TRIM49: variants seen among roughly 807,000 people sequenced by gnomAD.
TRIM49 encodes the protein tripartite motif-containing protein 49.
TRIM49 carries 5 observed loss-of-function variants against 27.4 expected under a neutral mutation model. The observed-to-expected ratio is 0.18, with a 90% CI of 0.10 to 0.38. The LOEUF (loss-of-function observed/expected upper bound fraction) is 0.38, where lower values mean the gene tolerates loss of function less well. Among genes scored for constraint, TRIM49 ranks in the 10% least tolerant of loss-of-function variants. The pLI is 1.00. For missense variants in TRIM49, 188 were observed against 487.5 expected (o/e 0.39, Z 5.79); for synonymous variants, 69 against 166.0 (o/e 0.42, Z 4.49).
chr11:89,793,544 T>C (rs1281894470), downstream of TRIM49, among the ~76,000 whole-genome samples: 1 of 152,178 alleles, frequency 6.6e-6, no homozygotes, highest in East Asian at 1.9e-4. Flanking sequence ...CAAGAGCAAG[T>C]GGGCTTCATC....
downstream of TRIM49, among the ~76,000 whole-genome samples, chr11:89,792,998 CAAGACTAATA>C (rs1276941242): frequency 7.2e-5 from 11 of 151,910 alleles, no homozygotes; most frequent in African/African-American, 2.4e-5. Flanking sequence ...AGACTGCTAG[CAAGACTAATA>C]AAGAAGAAAA....
At chr11:89,770,702 A>G in the TRIM49 span, among the ~76,000 whole-genome samples, 4 of 136,178 alleles carry the variant, frequency 2.9e-5, no homozygotes, top group Admixed American at 1.5e-4. Flanking sequence ...TACTAATAAT[A>G]CAAAAAAAAA....
downstream of TRIM49, among the ~76,000 whole-genome samples, chr11:89,792,985 GAT>G (rs1351738569): frequency 3.3e-5 from 5 of 152,112 alleles, no homozygotes; most frequent in Non-Finnish European, 5.9e-5. Flanking sequence ...CAACAAAATT[GAT>G]AGACTGCTAG....
At chr11:89,803,646 C>A in intron 4 of TRIM49, 52 bp downstream of exon 4, 1 of 720,830 alleles carries the variant, frequency 1.4e-6, no homozygotes, top group Non-Finnish European at 2.3e-6. Context: ...TTAAGAGTCA[C>A]CCATTTGCCC....
chr11:89,807,787 C>T (rs1378907007), intron 1 of TRIM49, among the ~76,000 whole-genome samples: 2 of 149,952 alleles, frequency 1.3e-5, no homozygotes, highest in Non-Finnish European at 2.9e-5. Flanking sequence ...CCTCTGGTCT[C>T]GGCCTTCCAA....
chr11:89,792,809 A>G (rs1198174523), downstream of TRIM49, among the ~76,000 whole-genome samples: 2 of 152,080 alleles, frequency 1.3e-5, no homozygotes, highest in African/African-American at 4.8e-5. Flanking sequence ...TCCAAAATTG[A>G]CACCCTAACA....
At chr11:89,783,775 G>A in the TRIM49 span, among the ~76,000 whole-genome samples, 10 of 146,270 alleles carry the variant, frequency 6.8e-5, no homozygotes, top group African/African-American at 1.9e-4. Context: ...CTAGGGCACC[G>A]GCTTACCTGC....
At chr11:89,785,702 T>A in the TRIM49 span, among the ~76,000 whole-genome samples, 1 of 144,964 alleles carries the variant, frequency 6.9e-6, no homozygotes, top group Non-Finnish European at 1.5e-5. Context: ...ATTGTGAGAA[T>A]TTTAAAAAAG....
At chr11:89,793,492 C>G (rs1328721907), downstream of TRIM49, among the ~76,000 whole-genome samples, 2 of 149,768 alleles carry the variant, frequency 1.3e-5, no homozygotes, top group African/African-American at 2.4e-5. Context: ...CAATAAAATA[C>G]TGACAAACAG....
the TRIM49 span, among the ~76,000 whole-genome samples, chr11:89,773,037 C>A: frequency 7.4e-6 from 1 of 135,716 alleles, no homozygotes; most frequent in South Asian, 2.3e-4. Context: ...CTAAAAATAC[C>A]AAAATTAGCC....
At chr11:89,807,673 C>T (rs943274981) in intron 1 of TRIM49, among the ~76,000 whole-genome samples, 14 of 151,034 alleles carry the variant, frequency 9.3e-5, no homozygotes, top group Non-Finnish European at 2.9e-5. Flanking sequence ...CGACTTTAGG[C>T]TCACACTATA....
intron 4 of TRIM49, among the ~76,000 whole-genome samples, chr11:89,803,183 CGT>C (rs1949752365): frequency 6.9e-6 from 1 of 144,642 alleles, no homozygotes. Flanking sequence ...CTTTTCTCAT[CGT>C]ATGTTATGTA....
rs1293641455 is a variant in TRIM49, at chr11:89,808,444, T to C, written c.-198A>G. ...TGCAAAGACTTGACTTACCCAATTGTGGGAGCTGCTTAAGCAAATGTGAGA... is the reference window on the plus strand; with the variant it reads ...TGCAAAGACTTGACTTACCCAATTGCGGGAGCTGCTTAAGCAAATGTGAGA... On this transcript the variant is annotated 5_prime_UTR_variant, in exon 1 of 8. Transcript: ENST00000329758. 1 of 150,452 alleles carries C rather than the reference T, an allele frequency of 6.6e-6. No homozygotes were observed. The highest frequency in any genetic ancestry group is 2.5e-5 in the African/African-American group (1 of 39,974). 9.3% of individuals were successfully genotyped at this position (150,452 alleles called of 1,614,324 possible).
At chr11:89,774,407 T>C in the TRIM49 span, among the ~76,000 whole-genome samples, 34 of 150,972 alleles carry the variant, frequency 2.3e-4, no homozygotes, top group East Asian at 7.8e-4. Flanking sequence ...TTTTCAATAC[T>C]TTATAAACCT....
the TRIM49 span, among the ~76,000 whole-genome samples, chr11:89,792,551 A>G: frequency 2.0e-5 from 3 of 152,184 alleles, no homozygotes; most frequent in African/African-American, 7.2e-5. Context: ...TGTCTCTCAG[A>G]CCACAGCGCA....
At chr11:89,767,778 A>G in the TRIM49 span, among the ~76,000 whole-genome samples, 1 of 134,714 alleles carries the variant, frequency 7.4e-6, no homozygotes, top group East Asian at 2.1e-4. Context: ...TAAAATTATA[A>G]ATGCTATGAA....
the TRIM49 span, among the ~76,000 whole-genome samples, chr11:89,792,142 A>C: frequency 6.6e-6 from 1 of 152,252 alleles, no homozygotes; most frequent in Non-Finnish European, 1.5e-5. Flanking sequence ...CAAAAGAGAC[A>C]AAGAAGGCCA....
the TRIM49 span, among the ~76,000 whole-genome samples, chr11:89,773,947 A>G: frequency 7.3e-6 from 1 of 136,814 alleles, no homozygotes; most frequent in African/African-American, 3.3e-5. Context: ...AAAAGAAAAA[A>G]AAAGTTAGCA....
intron 4 of TRIM49, among the ~76,000 whole-genome samples, chr11:89,802,769 T>A (rs1281473949): frequency 6.6e-6 from 1 of 150,750 alleles, no homozygotes; most frequent in Non-Finnish European, 1.5e-5. Flanking sequence ...ACTCAAACAC[T>A]AATCTCCAGT....
Sources: allele counts gnomAD v4.1 joint callset (sites outside exome capture counted in the v4.1 genomes callset), GRCh38; gene constraint gnomAD v4.1.1; transcripts MANE v1.5; gene names NCBI Gene and HGNC (gene_info 2026-07-23, HGNC 2026-07-21).